PAK3: variants seen among roughly 807,000 people sequenced by gnomAD.
PAK3 encodes p21 (RAC1) activated kinase 3, also known as serine/threonine-protein kinase PAK 3.
A neutral mutation model predicts 41.0 loss-of-function variants in PAK3; 4 were observed. The observed-to-expected ratio is 0.10, with a 90% CI of 0.05 to 0.22. The LOEUF (loss-of-function observed/expected upper bound fraction) is 0.22. Ranked by LOEUF, PAK3 falls within the 10% of genes least tolerant of loss-of-function variation. The pLI is 1.00. For synonymous variants in PAK3, 146 were observed against 139.6 expected (o/e 1.05, Z -0.32); for missense variants, 205 against 409.9 (o/e 0.50, Z 4.32).
chrX:111,147,284 A>G (rs1259781634), intron 6 of PAK3, among the ~76,000 whole-genome samples: 1 of 111,880 alleles, frequency 8.9e-6, no homozygotes. Context: ...TTATTCTAAA[A>G]TATATTCTGA....
At chrX:111,098,593 C>G (rs1204926307) in intron 3 of PAK3, 1 of 110,725 alleles carries the variant, frequency 9.0e-6, no homozygotes, top group African/African-American at 3.3e-5. Flanking sequence ...ACCAAGAGAA[C>G]AAGAAACTCA....
intron 16 of PAK3, among the ~76,000 whole-genome samples, chrX:111,208,298 A>G (rs996093257): frequency 5.3e-5 from 6 of 112,445 alleles, no homozygotes; most frequent in African/African-American, 1.9e-4. Flanking sequence ...AAGCTAATTT[A>G]TTATCGAAGA....
At chrX:111,012,259 T>C (rs1410899238) in intron 1 of PAK3, among the ~76,000 whole-genome samples, 2 of 112,241 alleles carry the variant, frequency 1.8e-5, no homozygotes, top group African/African-American at 6.5e-5. Context: ...AAAAAGTTTA[T>C]TGTTGATCAG....
chrX:111,199,015 T>C (rs1475484031), intron 16 of PAK3, among the ~76,000 whole-genome samples: 1 of 111,793 alleles, frequency 8.9e-6, no homozygotes, highest in Non-Finnish European at 1.9e-5. Flanking sequence ...ATCAGTGTTT[T>C]GTAATTCTTG....
At chrX:111,159,182 C>A (rs1385192630) in intron 8 of PAK3, among the ~76,000 whole-genome samples, 1 of 111,020 alleles carries the variant, frequency 9.0e-6, no homozygotes, top group Admixed American at 9.6e-5. Context: ...CTTGTTAAAT[C>A]ATTGTAAATA....
chrX:111,148,760 CACA>C (rs777543358), intron 7 of PAK3, among the ~76,000 whole-genome samples: 20 of 111,072 alleles, frequency 1.8e-4, no homozygotes, highest in Non-Finnish European at 3.0e-4. Context: ...GGGTCCCTCC[CACA>C]ACATGTTGGA....
chrX:111,171,627 T>C (rs1270511258), intron 10 of PAK3, among the ~76,000 whole-genome samples: 1 of 111,861 alleles, frequency 8.9e-6, no homozygotes, highest in Non-Finnish European at 1.9e-5. Context: ...TTATGTAGCT[T>C]ATAAACTTAC....
intron 1 of PAK3, among the ~76,000 whole-genome samples, chrX:110,993,295 C>T (rs868767335): frequency 5.4e-5 from 6 of 111,280 alleles, no homozygotes; most frequent in African/African-American, 9.8e-5. Flanking sequence ...GCCACACTTC[C>T]CCTATTTTGG....
At chrX:111,179,454 C>T (rs2094442748) in intron 11 of PAK3, among the ~76,000 whole-genome samples, 1 of 111,066 alleles carries the variant, frequency 9.0e-6, no homozygotes, top group African/African-American at 3.3e-5. Context: ...CATACTTACA[C>T]AAAAATAGGG....
chrX:110,956,593 G>A (rs1024311040), intron 1 of PAK3, among the ~76,000 whole-genome samples: 1 of 111,912 alleles, frequency 8.9e-6, no homozygotes, highest in African/African-American at 3.3e-5. Context: ...GTGGAGAACA[G>A]CTGATTCCTT....
rs1443654926 is a variant in PAK3 at position 111,223,833 on chromosome X, C to T, written c.*3386C>T. Reference sequence around the variant, plus strand: ...ATTCTATAATATCACTTTTAAATAACATAAACAGGGATTACAACTATGTAA... The same window carrying T: ...ATTCTATAATATCACTTTTAAATAATATAAACAGGGATTACAACTATGTAA... On this transcript the variant is annotated 3_prime_UTR_variant, in exon 18 of 18. Coordinates refer to ENST00000372007, the MANE Select transcript of PAK3 (RefSeq NM_002578.5). 8.9e-6 allele frequency: 1 copy of T among 111,759 alleles called. No individual in the cohort carries two copies. The highest frequency in any genetic ancestry group is 2.8e-4 in the East Asian group (1 of 3,590). 9.2% of individuals were successfully genotyped at this position (111,759 alleles called of 1,213,427 possible). A position where few individuals can be genotyped will look rare whatever the true frequency, so the allele number is the denominator to read the frequency against.
At chrX:110,979,629 A>G (rs1290513911) in intron 1 of PAK3, among the ~76,000 whole-genome samples, 1 of 111,605 alleles carries the variant, frequency 9.0e-6, no homozygotes, top group East Asian at 2.8e-4. Flanking sequence ...ATTTCTGCTC[A>G]TATATTTATT....
intron 16 of PAK3, among the ~76,000 whole-genome samples, chrX:111,198,356 T>G (rs2094639017): frequency 8.9e-6 from 1 of 112,779 alleles, no homozygotes; most frequent in Admixed American, 9.4e-5. Flanking sequence ...AATTTTTGTT[T>G]TTGTTGAAAT....
intron 1 of PAK3, among the ~76,000 whole-genome samples, chrX:111,082,334 T>A (rs1416769815): frequency 1.8e-5 from 2 of 111,939 alleles, no homozygotes; most frequent in East Asian, 5.6e-4. Context: ...GTCAGTGAAA[T>A]TTGAGTTATG....
Position 111,220,274 on chromosome X carries a change from C to A in PAK3, c.1546-84C>A, listed in dbSNP as rs16986440. The A allele has an allele frequency of 0.077, 46,842 of 608,492 alleles. 6,682 individuals are homozygous for A. The highest frequency in any genetic ancestry group is 0.61 in the African/African-American group (26,797 of 44,277). 50.1% of individuals were successfully genotyped at this position (608,492 alleles called of 1,213,427 possible). A position where few individuals can be genotyped will look rare whatever the true frequency, so the allele number is the denominator to read the frequency against. On this transcript the variant is annotated intron_variant, in intron 17 of 17. Transcript: ENST00000372007. ...TGGGTGTTCAAAATATATCTTAATT[C>A]AAAAGGGCTGCTTGAAAATGTAAAG...
At chrX:110,965,210 G>T (rs764533212) in intron 1 of PAK3, among the ~76,000 whole-genome samples, 7 of 112,352 alleles carry the variant, frequency 6.2e-5, no homozygotes, top group African/African-American at 2.3e-4. Context: ...GCCTTGGGGA[G>T]GTGGGTTTGC....
rs981405851 is a variant in PAK3, at chrX:111,006,394, C to T, written c.-28+61766C>T. The stretch of plus-strand genomic sequence containing the variant: ...AAAGGCATGATGTCTGCAACAAACT[C>T]AAATGGATTAGGGAGAAAAACACCT... On this transcript the variant is annotated intron_variant, in intron 1 of 14. Coordinates refer to the PAK3 transcript ENST00000425146. 2.7e-5 allele frequency among the ~76,000 whole-genome samples: 3 copies of T among 111,415 alleles called. No individual in the cohort carries two copies. The East Asian group carries it at 8.4e-4, about 31-fold the overall frequency.
At chrX:111,069,064 A>C (rs1470276350) in intron 1 of PAK3, among the ~76,000 whole-genome samples, 1 of 111,795 alleles carries the variant, frequency 8.9e-6, no homozygotes, top group Non-Finnish European at 1.9e-5. Flanking sequence ...TTTTATATTC[A>C]GCACCACCTG....
chrX:111,104,153 C>G (rs1480537758), intron 4 of PAK3, among the ~76,000 whole-genome samples: 1 of 111,335 alleles, frequency 9.0e-6, no homozygotes, highest in African/African-American at 3.3e-5. Flanking sequence ...GTCTGCCTTT[C>G]AGGCAGGCAT....
Sources: allele counts gnomAD v4.1 joint callset (sites outside exome capture counted in the v4.1 genomes callset), GRCh38; gene constraint gnomAD v4.1.1; transcripts MANE v1.5; gene names NCBI Gene and HGNC (gene_info 2026-07-23, HGNC 2026-07-21).